Variants in NOL4 observed in about 807,000 individuals in gnomAD.
NOL4 encodes the protein nucleolar protein 4, also known as cancer/testis antigen 125.
NOL4 carries 17 observed loss-of-function variants against 75.9 expected under a neutral mutation model. The ratio of observed to expected loss-of-function variants is 0.22; its 90% CI spans 0.15 to 0.34. The LOEUF is 0.34. NOL4 is among the 10% of genes least tolerant of loss of function. The probability of loss-of-function intolerance (pLI) is 1.00; values close to 1 mark genes in which losing one functional copy is unlikely to be tolerated. For synonymous variants in NOL4, 292 were observed against 289.9 expected, an observed-to-expected ratio of 1.01 and a Z score of -0.07; for missense variants, 614 against 793.5, an observed-to-expected ratio of 0.77 and a Z score of 2.72.
chr18:34,216,640 A>G (rs2036910358), intron 1 of NOL4, among the ~76,000 whole-genome samples: 2 of 144,170 alleles, frequency 1.4e-5, no homozygotes, highest in Non-Finnish European at 3.0e-5. Flanking sequence ...ATAATATATA[A>G]TAAGTATAAT....
intron 8 of NOL4, among the ~76,000 whole-genome samples, chr18:33,953,434 A>C (rs747391346): frequency 2.0e-4 from 31 of 151,894 alleles, no homozygotes; most frequent in Non-Finnish European, 3.8e-4. Flanking sequence ...ATTATGCAAG[A>C]GTACAGGTAT....
At chr18:34,043,322 T>G (rs1461868410) in intron 5 of NOL4, among the ~76,000 whole-genome samples, 2 of 152,130 alleles carry the variant, frequency 1.3e-5, no homozygotes, top group Non-Finnish European at 2.9e-5. Context: ...TTTTGCATCC[T>G]AAGACAGTAG....
At chr18:34,090,589 G>A (rs1188765872) in intron 5 of NOL4, among the ~76,000 whole-genome samples, 2 of 151,946 alleles carry the variant, frequency 1.3e-5, no homozygotes, top group African/African-American at 2.4e-5. Flanking sequence ...CCTGCACTCT[G>A]GCATCTATAG....
At chr18:34,117,008 C>T (rs1408405582) in intron 2 of NOL4, among the ~76,000 whole-genome samples, 2 of 152,126 alleles carry the variant, frequency 1.3e-5, no homozygotes, top group African/African-American at 4.8e-5. Context: ...AATTTGCAAT[C>T]CTCAAAATTA....
chr18:34,133,778 C>T (rs2080769179), intron 1 of NOL4, among the ~76,000 whole-genome samples: 1 of 152,066 alleles, frequency 6.6e-6, no homozygotes, highest in Admixed American at 6.6e-5. Flanking sequence ...AATTCGAGCT[C>T]TTTGGGAGGC....
intron 5 of NOL4, among the ~76,000 whole-genome samples, chr18:34,026,467 C>T (rs1203312500): frequency 1.3e-5 from 2 of 152,170 alleles, no homozygotes; most frequent in African/African-American, 2.4e-5. Context: ...ATGGGAGCCG[C>T]CTCTTTCTGT....
At chr18:34,128,347 C>A (rs1352515647) in intron 2 of NOL4, among the ~76,000 whole-genome samples, 2 of 151,836 alleles carry the variant, frequency 1.3e-5, no homozygotes, top group Non-Finnish European at 2.9e-5. Context: ...AATTATGCAT[C>A]CCTAGCAAAG....
intron 1 of NOL4, among the ~76,000 whole-genome samples, chr18:34,205,291 TAA>T (rs1216227801): frequency 6.6e-6 from 1 of 152,166 alleles, no homozygotes; most frequent in Non-Finnish European, 1.5e-5. Context: ...TCTCAGTAGA[TAA>T]AGAGACATGA....
At chr18:34,014,727 G>C (rs2074579945) in intron 6 of NOL4, among the ~76,000 whole-genome samples, 1 of 151,928 alleles carries the variant, frequency 6.6e-6, no homozygotes, top group South Asian at 2.1e-4. Context: ...TCAGCAAGTA[G>C]AAAATAAATA....
intron 9 of NOL4, among the ~76,000 whole-genome samples, chr18:33,933,280 C>T (rs1469561313): frequency 1.3e-5 from 2 of 152,130 alleles, no homozygotes; most frequent in African/African-American, 2.4e-5. Flanking sequence ...TCATCTGAGT[C>T]TTCTTGAGTC....
intron 10 of NOL4, among the ~76,000 whole-genome samples, chr18:33,879,155 T>C (rs1359392955): frequency 6.6e-6 from 1 of 152,110 alleles, no homozygotes; most frequent in African/African-American, 2.4e-5. Context: ...TATATATAGT[T>C]CCAAAGTTAA....
chr18:34,182,392 T>C (rs2034115507), intron 1 of NOL4, among the ~76,000 whole-genome samples: 1 of 151,600 alleles, frequency 6.6e-6, no homozygotes, highest in African/African-American at 2.4e-5. Flanking sequence ...TGTTAGGGGC[T>C]GGAAGGACAG....
At chr18:34,181,194 A>T (rs544303608) in intron 1 of NOL4, among the ~76,000 whole-genome samples, 2 of 151,674 alleles carry the variant, frequency 1.3e-5, no homozygotes, top group African/African-American at 4.8e-5. Flanking sequence ...CAATAATCAA[A>T]GCAGCATGGT....
chr18:33,921,726 T>C (rs1451653860), intron 9 of NOL4, among the ~76,000 whole-genome samples: 1 of 152,144 alleles, frequency 6.6e-6, no homozygotes, highest in Non-Finnish European at 1.5e-5. Flanking sequence ...ACCTCCAGAA[T>C]TGTGAGAGAA....
At chr18:34,207,755 A>T (rs2036222072) in intron 1 of NOL4, among the ~76,000 whole-genome samples, 1 of 152,158 alleles carries the variant, frequency 6.6e-6, no homozygotes, top group African/African-American at 2.4e-5. Context: ...GGCCATCTCC[A>T]GGAACATGTA....
At chr18:33,903,444 G>A (rs371440566) in intron 9 of NOL4, among the ~76,000 whole-genome samples, 1 of 152,094 alleles carries the variant, frequency 6.6e-6, no homozygotes, top group Non-Finnish European at 1.5e-5. Flanking sequence ...GTACTATTAA[G>A]CAATCCTTGT....
intron 2 of NOL4, among the ~76,000 whole-genome samples, chr18:34,110,795 C>A (rs1307315171): frequency 6.6e-6 from 1 of 151,914 alleles, no homozygotes; most frequent in Non-Finnish European, 1.5e-5. Context: ...AAAGACCCCA[C>A]CAAAACAATG....
At chr18:34,002,032 C>G (rs2073750828) in intron 6 of NOL4, among the ~76,000 whole-genome samples, 1 of 152,064 alleles carries the variant, frequency 6.6e-6, no homozygotes, top group Non-Finnish European at 1.5e-5. Flanking sequence ...ACCACTCACC[C>G]AGGTCCCCAT....
intron 1 of NOL4, among the ~76,000 whole-genome samples, chr18:34,176,074 AG>A (rs1388433761): frequency 6.6e-6 from 1 of 152,140 alleles, no homozygotes; most frequent in East Asian, 1.9e-4. Context: ...AAAGAGCTAA[AG>A]AAGAGTATAA....
Sources: allele counts gnomAD v4.1 joint callset (sites outside exome capture counted in the v4.1 genomes callset), GRCh38; gene constraint gnomAD v4.1.1; transcripts MANE v1.5; gene names NCBI Gene and HGNC (gene_info 2026-07-23, HGNC 2026-07-21).